MICAL3: variants seen among roughly 807,000 people sequenced by gnomAD.
The protein encoded by MICAL3 is microtubule associated monooxygenase, calponin and LIM domain containing 3.
In MICAL3, 62 loss-of-function variants were observed where a neutral mutation model predicts 207.4. The observed-to-expected ratio is 0.30, with a 90% CI of 0.24 to 0.37. The LOEUF (loss-of-function observed/expected upper bound fraction) is 0.37, where lower values mean the gene tolerates loss of function less well. Among genes scored for constraint, MICAL3 ranks in the 10% least tolerant of loss-of-function variants. MICAL3 has a pLI of 1.00. For synonymous variants in MICAL3, 1,077 were observed against 1,069.3 expected (o/e 1.01, Z -0.14); for missense variants, 2,368 against 2,635.6 (o/e 0.90, Z 2.22).
At chr22:17,885,482 G>A (rs1280438179) in intron 16 of MICAL3, among the ~76,000 whole-genome samples, 1 of 152,092 alleles carries the variant, frequency 6.6e-6, no homozygotes, top group East Asian at 1.9e-4. Flanking sequence ...AGAAAGAAGG[G>A]CAGGAAAATA....
At chr22:17,928,433 C>A (rs924362810) in intron 1 of MICAL3, among the ~76,000 whole-genome samples, 2 of 137,774 alleles carry the variant, frequency 1.5e-5, no homozygotes, top group African/African-American at 6.1e-5. Flanking sequence ...AGCAAGACTC[C>A]GTCTCAAAAA....
At chr22:17,940,685 C>G (rs1933767307) in intron 1 of MICAL3, among the ~76,000 whole-genome samples, 1 of 151,956 alleles carries the variant, frequency 6.6e-6, no homozygotes, top group Non-Finnish European at 1.5e-5. Flanking sequence ...GCAATGGCAG[C>G]CAGAGAGAGG....
chr22:17,991,544 G>A (rs146518219), intron 1 of MICAL3, among the ~76,000 whole-genome samples: 99 of 152,278 alleles, frequency 6.5e-4, no homozygotes, highest in Middle Eastern at 3.4e-3. Context: ...TGGGCTGGTG[G>A]TCATGCACAG....
chr22:17,967,149 A>T (rs932885786), intron 1 of MICAL3, among the ~76,000 whole-genome samples: 11 of 152,194 alleles, frequency 7.2e-5, no homozygotes, highest in African/African-American at 2.4e-4. Context: ...GCACAGATGC[A>T]AATGAACAGG....
intron 19 of MICAL3, among the ~76,000 whole-genome samples, chr22:17,852,097 C>T (rs903037237): frequency 6.6e-6 from 1 of 152,242 alleles, no homozygotes; most frequent in African/African-American, 2.4e-5. Flanking sequence ...AGCAGCCACA[C>T]AGCCTCAGGC....
At chr22:17,976,529 A>ATGTGTGTG (rs1935636909) in intron 1 of MICAL3, among the ~76,000 whole-genome samples, 1 of 113,982 alleles carries the variant, frequency 8.8e-6, no homozygotes, top group African/African-American at 4.0e-5. Context: ...ATATATGTGT[A>ATGTGTGTG]TATATATGTG....
At chr22:18,021,682 A>G (rs1924486513) in intron 1 of MICAL3, among the ~76,000 whole-genome samples, 1 of 152,148 alleles carries the variant, frequency 6.6e-6, no homozygotes, top group South Asian at 2.1e-4. Context: ...GTGGGAATGC[A>G]GAAAGGAGCA....
In MICAL3 at chr22:17,941,530, A is replaced by G. The variant is rs187404240; in HGVS notation, c.-74-34644T>C. On this transcript the variant is annotated intron_variant, in intron 1 of 31. Coordinates refer to ENST00000441493, the MANE Select transcript of MICAL3 (RefSeq NM_015241.3). ...CAAAGACGGAAGTCAAAAGACGGAA[A>G]GTAGAAACAGGTTGAGCTTCAAATG... Among the ~76,000 whole-genome samples the G allele has an allele frequency of 1.4e-4, 21 of 152,344 alleles. No individual in the cohort carries two copies. The East Asian group carries it at 3.5e-3, about 25-fold the overall frequency.
At chr22:17,931,680 C>T (rs539847458) in intron 1 of MICAL3, among the ~76,000 whole-genome samples, 1 of 152,290 alleles carries the variant, frequency 6.6e-6, no homozygotes, top group East Asian at 1.9e-4. Flanking sequence ...CAGAAAGGGA[C>T]ATGTGGAGGA....
chr22:17,913,273 G>A (rs753645067), intron 1 of MICAL3, among the ~76,000 whole-genome samples: 31 of 152,120 alleles, frequency 2.0e-4, no homozygotes, highest in Non-Finnish European at 3.2e-4. Flanking sequence ...TTAGGGCAGG[G>A]ACTGGGTCTC....
At chr22:17,887,022 TAA>T in intron 15 of MICAL3, 146 bp downstream of exon 15, 1 of 134,030 alleles carries the variant, frequency 7.5e-6, no homozygotes, top group East Asian at 1.2e-4. Context: ...AAAAAGAAAA[TAA>T]AAAAAAGAAA....
chr22:17,897,028 T>G, intron 7 of MICAL3, 47 bp from the exon 8 acceptor site: 1 of 1,562,926 alleles, frequency 6.4e-7, no homozygotes, highest in East Asian at 2.2e-5. Flanking sequence ...GCTCTGGCAC[T>G]CAGCCAGAAC....
intron 16 of MICAL3, among the ~76,000 whole-genome samples, chr22:17,878,309 T>C (rs2146201704): frequency 6.6e-6 from 1 of 152,288 alleles, no homozygotes; most frequent in East Asian, 1.9e-4. Flanking sequence ...AGAAAGAGGC[T>C]GGGCACACAG....
chr22:17,934,683 T>C (rs1277609917), intron 1 of MICAL3, among the ~76,000 whole-genome samples: 2 of 152,206 alleles, frequency 1.3e-5, no homozygotes, highest in Non-Finnish European at 2.9e-5. Context: ...CGTTTGCAGA[T>C]GACATGATTG....
chr22:17,967,812 C>G (rs1027071545), intron 1 of MICAL3, among the ~76,000 whole-genome samples: 1 of 152,044 alleles, frequency 6.6e-6, no homozygotes, highest in Non-Finnish European at 1.5e-5. Flanking sequence ...TTTGGGAGGC[C>G]GAGGTGGGCA....
intron 1 of MICAL3, among the ~76,000 whole-genome samples, chr22:17,947,760 C>G (rs1460983850): frequency 6.6e-6 from 1 of 152,068 alleles, no homozygotes; most frequent in East Asian, 1.9e-4. Context: ...GTAGAGATGG[C>G]ATCTTGCTAT....
chr22:17,920,475 C>T (rs1057496385), intron 1 of MICAL3, among the ~76,000 whole-genome samples: 3 of 152,182 alleles, frequency 2.0e-5, no homozygotes, highest in South Asian at 4.1e-4. Flanking sequence ...GGCTCAGACG[C>T]GTTCCGGTCT....
intron 1 of MICAL3, among the ~76,000 whole-genome samples, chr22:17,926,202 G>A (rs779375499): frequency 2.4e-4 from 36 of 152,124 alleles, no homozygotes; most frequent in Non-Finnish European, 3.4e-4. Context: ...ACAACTTCCC[G>A]ATATACAATC....
intron 1 of MICAL3, among the ~76,000 whole-genome samples, chr22:17,933,027 C>CT (rs1331404397): frequency 6.6e-6 from 1 of 152,174 alleles, no homozygotes; most frequent in Non-Finnish European, 1.5e-5. Context: ...TAATGGGAGA[C>CT]TTTAACACCC....
Sources: allele counts gnomAD v4.1 joint callset (sites outside exome capture counted in the v4.1 genomes callset), GRCh38; gene constraint gnomAD v4.1.1; transcripts MANE v1.5; gene names NCBI Gene and HGNC (gene_info 2026-07-23, HGNC 2026-07-21).